The following GBE1 variants were observed in gnomAD, a reference collection of about 807,000 sequenced individuals.
GBE1 encodes 1,4-alpha-glucan-branching enzyme.
GBE1 carries 70 observed loss-of-function variants against 88.8 expected under a neutral mutation model. That is an observed-to-expected ratio of 0.79 (90% CI 0.65 to 0.96). The LOEUF (loss-of-function observed/expected upper bound fraction) is 0.96. Ranked by LOEUF, GBE1 falls within the 40% of genes least tolerant of loss-of-function variation. The pLI, the probability that GBE1 is intolerant of heterozygous loss-of-function variation, is 0.00. For missense variants in GBE1, 872 were observed against 871.0 expected, an observed-to-expected ratio of 1.00 and a Z score of -0.01; for synonymous variants, 284 against 300.1, an observed-to-expected ratio of 0.95 and a Z score of 0.56.
chr3:81,671,459 A>G (rs1705188544), intron 2 of GBE1, among the ~76,000 whole-genome samples: 1 of 152,162 alleles, frequency 6.6e-6, no homozygotes, highest in South Asian at 2.1e-4. Flanking sequence ...ATAGGAAGTA[A>G]AGAAAAGGTG....
intron 2 of GBE1, among the ~76,000 whole-genome samples, chr3:81,699,559 A>G (rs555579018): frequency 6.6e-6 from 1 of 152,150 alleles, no homozygotes; most frequent in Non-Finnish European, 1.5e-5. Context: ...CAAGCTGAGG[A>G]GCAAGGAGAG....
chr3:81,544,414 A>T (rs1181661540), intron 12 of GBE1, among the ~76,000 whole-genome samples: 1 of 152,152 alleles, frequency 6.6e-6, no homozygotes, highest in Non-Finnish European at 1.5e-5. Flanking sequence ...TGTAATAGAT[A>T]GAATGTTCCT....
chr3:81,613,334 C>A (rs1704207023), intron 7 of GBE1, among the ~76,000 whole-genome samples: 1 of 151,918 alleles, frequency 6.6e-6, no homozygotes, highest in Non-Finnish European at 1.5e-5. Flanking sequence ...GGAATCAACA[C>A]CCCCAAGCTC....
intron 8 of GBE1, among the ~76,000 whole-genome samples, chr3:81,592,985 T>G (rs1427578472): frequency 1.3e-5 from 2 of 152,140 alleles, no homozygotes; most frequent in African/African-American, 4.8e-5. Flanking sequence ...CAGTCACTTT[T>G]CAAGATTTAC....
intron 1 of GBE1, among the ~76,000 whole-genome samples, chr3:81,760,989 C>T (rs375737590): frequency 6.6e-6 from 1 of 152,366 alleles, no homozygotes; most frequent in Middle Eastern, 3.4e-3. Context: ...GTTATGCCCA[C>T]GTTACTCCAC....
intron 3 of GBE1, among the ~76,000 whole-genome samples, chr3:81,652,586 G>A (rs774202048): frequency 2.6e-5 from 4 of 152,052 alleles, no homozygotes; most frequent in Admixed American, 1.3e-4. Flanking sequence ...TACCAAATCC[G>A]GAACACTGAC....
At chr3:81,521,284 AC>A (rs1163208793) in intron 14 of GBE1, among the ~76,000 whole-genome samples, 1 of 151,612 alleles carries the variant, frequency 6.6e-6, no homozygotes, top group Non-Finnish European at 1.5e-5. Flanking sequence ...TTATTCTGGC[AC>A]CAAATCCTGC....
chr3:81,559,396 T>A (rs1053777283), intron 12 of GBE1, among the ~76,000 whole-genome samples: 2 of 151,938 alleles, frequency 1.3e-5, no homozygotes, highest in Admixed American at 1.3e-4. Flanking sequence ...GTTGCTCAAT[T>A]CTTTTTTCAT....
intron 2 of GBE1, among the ~76,000 whole-genome samples, chr3:81,687,401 T>C (rs1046188261): frequency 6.6e-6 from 1 of 152,146 alleles, no homozygotes; most frequent in Non-Finnish European, 1.5e-5. Context: ...TGAAAGCACA[T>C]GGAAAAGATA....
At chr3:81,615,338 C>G (rs1379743799) in intron 7 of GBE1, among the ~76,000 whole-genome samples, 5 of 152,166 alleles carry the variant, frequency 3.3e-5, no homozygotes, top group Non-Finnish European at 5.9e-5. Context: ...TACAATATCA[C>G]AGCCAGGATA....
At chr3:81,561,167 G>GT (rs1363509908) in intron 12 of GBE1, among the ~76,000 whole-genome samples, 9 of 151,954 alleles carry the variant, frequency 5.9e-5, no homozygotes, top group Non-Finnish European at 1.2e-4. Context: ...AACGTATAAA[G>GT]TGTTACACCT....
intron 7 of GBE1, among the ~76,000 whole-genome samples, chr3:81,609,274 A>C (rs1344692668): frequency 6.6e-6 from 1 of 152,146 alleles, no homozygotes; most frequent in Non-Finnish European, 1.5e-5. Context: ...GGGATGACAT[A>C]TCCTCAACCC....
chr3:81,642,852 A>T lies in GBE1; in HGVS notation c.921T>A (p.Asp307Glu), dbSNP rs1429427803. Residue 307 changes from aspartate (D) to glutamate (E), a missense_variant, in exon 7 of 16, where the codon GAT becomes GAA. Transcript: ENST00000429644. ...TAGGTCCAGAATGAAAATAACAGGA[A>T]TCTGTCCCATCAAACATATTCAATC... ...ADGLNMFDGTDSCYFHSGPRG... is the reference protein window; with the variant it reads ...ADGLNMFDGTESCYFHSGPRG... The T allele has an allele frequency of 6.2e-7, 1 of 1,613,286 alleles. No individual in the cohort carries two copies. The highest frequency in any genetic ancestry group is 1.3e-5 in the African/African-American group (1 of 74,886).
intron 1 of GBE1, among the ~76,000 whole-genome samples, chr3:81,722,304 A>G (rs902049279): frequency 6.6e-6 from 1 of 152,170 alleles, no homozygotes; most frequent in Admixed American, 6.5e-5. Context: ...AAAAGAATCA[A>G]GTTTAAAGGG....
In GBE1 at chr3:81,733,787, G is replaced by T. The variant is rs182370186; in HGVS notation, c.143+27588C>A. On this transcript the variant is annotated intron_variant, in intron 1 of 15. Coordinates refer to ENST00000429644, the MANE Select transcript of GBE1 (RefSeq NM_000158.4). The surrounding 1 kb of genome is among the most constrained non-coding windows in gnomAD (Gnocchi z 4.0). The stretch of plus-strand genomic sequence containing the variant: ...TATTGTGTATCGCCTGTCTCCTGCT[G>T]CTGGAAAGTAAGCTCCTCAAATGTA... 1.9e-3 allele frequency among the ~76,000 whole-genome samples: 284 copies of T among 152,216 alleles called. No individual in the cohort carries two copies. The highest frequency in any genetic ancestry group is 6.8e-3 in the Middle Eastern group (2 of 294).
At chr3:81,619,613 T>C (rs1704298545) in intron 7 of GBE1, among the ~76,000 whole-genome samples, 1 of 152,088 alleles carries the variant, frequency 6.6e-6, no homozygotes, top group Admixed American at 6.6e-5. Flanking sequence ...TGGGGGCTCA[T>C]TAAAATAAAG....
At chr3:81,648,126 C>A (rs913062686) in intron 5 of GBE1, among the ~76,000 whole-genome samples, 1 of 152,058 alleles carries the variant, frequency 6.6e-6, no homozygotes, top group Non-Finnish European at 1.5e-5. Context: ...TTTAACCATG[C>A]CTTACAAACC....
chr3:81,562,427 T>C (rs1480956273), intron 12 of GBE1, among the ~76,000 whole-genome samples: 6 of 152,024 alleles, frequency 3.9e-5, no homozygotes, highest in African/African-American at 1.4e-4. Context: ...TACTGTCTTA[T>C]ATAGGGTAGT....
chr3:81,535,121 T>C, intron 14 of GBE1, 74 bp downstream of exon 14: 1 of 1,238,816 alleles, frequency 8.1e-7, no homozygotes, highest in South Asian at 1.6e-5. Context: ...CTTAGTCTTT[T>C]TTTTTTTTTT....
Sources: allele counts gnomAD v4.1 joint callset (sites outside exome capture counted in the v4.1 genomes callset), GRCh38; gene constraint gnomAD v4.1.1; non-coding constraint Gnocchi (gnomAD v3.1); transcripts MANE v1.5; gene names NCBI Gene and HGNC (gene_info 2026-07-23, HGNC 2026-07-21).